Variants in PDE10A observed in about 807,000 individuals in gnomAD.
PDE10A encodes the protein phosphodiesterase 10A.
Under a neutral mutation model 97.7 loss-of-function variants are expected in PDE10A, and 39 were observed. The observed-to-expected ratio is 0.40, with a 90% confidence interval of 0.31 to 0.52. PDE10A has a LOEUF of 0.52. PDE10A is among the 20% of genes least tolerant of loss of function. The probability of loss-of-function intolerance (pLI) is 0.56; values close to 1 mark genes in which losing one functional copy is unlikely to be tolerated. For synonymous variants in PDE10A, 371 were observed against 376.8 expected, an observed-to-expected ratio of 0.98 and a Z score of 0.18; for missense variants, 731 against 1,047.8, an observed-to-expected ratio of 0.70 and a Z score of 4.17.
At chr6:165,465,804 A>G (rs1778609165) in intron 3 of PDE10A, among the ~76,000 whole-genome samples, 1 of 152,200 alleles carries the variant, frequency 6.6e-6, no homozygotes, top group Non-Finnish European at 1.5e-5. Flanking sequence ...TGCTTGACAC[A>G]TGGGGATTAT....
chr6:165,342,313 G>A (rs1050586878), intron 19 of PDE10A, among the ~76,000 whole-genome samples: 2 of 152,058 alleles, frequency 1.3e-5, no homozygotes, highest in South Asian at 4.2e-4. Context: ...GTTGTTCAAG[G>A]GTCAACTGTG....
At chr6:165,514,984 T>G (rs1011277816) in intron 2 of PDE10A, among the ~76,000 whole-genome samples, 36 of 152,208 alleles carry the variant, frequency 2.4e-4, no homozygotes, top group African/African-American at 8.0e-4. Context: ...AGAAATCCTT[T>G]TATCCAAACT....
chr6:165,951,115 C>T (rs1783943347), intron 1 of PDE10A, among the ~76,000 whole-genome samples: 1 of 152,148 alleles, frequency 6.6e-6, no homozygotes, highest in African/African-American at 2.4e-5. Context: ...TGAAATAAGC[C>T]ACACTGTTTA....
chr6:165,623,616 T>A (rs1475834543), intron 1 of PDE10A, among the ~76,000 whole-genome samples: 1 of 152,162 alleles, frequency 6.6e-6, no homozygotes, highest in Non-Finnish European at 1.5e-5. Context: ...TTAAACTTAC[T>A]TCAGGAAAGC....
intron 1 of PDE10A, among the ~76,000 whole-genome samples, chr6:165,956,813 C>A (rs1362633483): frequency 6.6e-6 from 1 of 152,172 alleles, no homozygotes; most frequent in Admixed American, 6.5e-5. Context: ...AGTTGAAGGG[C>A]AAGTGGGATC....
At chr6:165,765,306 A>G (rs1453202001) in intron 1 of PDE10A, among the ~76,000 whole-genome samples, 16 of 152,342 alleles carry the variant, frequency 1.1e-4, no homozygotes, top group South Asian at 2.1e-4. Flanking sequence ...CCCTTGGGTG[A>G]TCGATGGGAC....
intron 1 of PDE10A, among the ~76,000 whole-genome samples, chr6:165,684,454 G>A (rs868151500): frequency 2.3e-4 from 35 of 152,132 alleles, no homozygotes; most frequent in African/African-American, 7.5e-4. Flanking sequence ...CAATGAAGCC[G>A]CCATCTCCTG....
At position 165,388,590 on chromosome 6, in the gene PDE10A, T is replaced by A; in HGVS notation, c.2455-137A>T. On this transcript the variant is annotated intron_variant, in intron 16 of 21. Coordinates refer to ENST00000539869, the MANE Select transcript of PDE10A (RefSeq NM_001385079.1). The surrounding 1 kb of genome is among the most constrained non-coding windows in gnomAD (Gnocchi z 4.0). ...CAGCATTCTGGCATAAAGAATCCTA[T>A]ACAAATAGAGCAAACCCTTAGGAAT... is the stretch of plus-strand genomic sequence containing the variant. 1 of 742,160 alleles carries A rather than the reference T, an allele frequency of 1.3e-6. No homozygotes were observed. Among genetic ancestry groups the A allele is most frequent in the Non-Finnish European group, 2.3e-6 (1 of 442,336 alleles). 46.0% of individuals were successfully genotyped at this position (742,160 alleles called of 1,614,324 possible). A position where few individuals can be genotyped will look rare whatever the true frequency, so the allele number is the denominator to read the frequency against.
intron 1 of PDE10A, among the ~76,000 whole-genome samples, chr6:165,972,364 C>G (rs1320999098): frequency 1.3e-5 from 2 of 151,954 alleles, no homozygotes; most frequent in African/African-American, 2.4e-5. Context: ...GCCACGGGCA[C>G]CCAGTATGGC....
intron 1 of PDE10A, among the ~76,000 whole-genome samples, chr6:165,807,740 G>C (rs960236282): frequency 6.6e-6 from 1 of 152,058 alleles, no homozygotes; most frequent in South Asian, 2.1e-4. Flanking sequence ...TTGGCTTGCC[G>C]GCGGCAGTGG....
At chr6:165,864,850 C>G (rs192433630) in intron 1 of PDE10A, among the ~76,000 whole-genome samples, 1 of 152,122 alleles carries the variant, frequency 6.6e-6, no homozygotes, top group African/African-American at 2.4e-5. Context: ...TAGGAAAATG[C>G]CTGTTTTCCC....
chr6:165,587,774 G>A (rs1389272494), intron 1 of PDE10A, among the ~76,000 whole-genome samples: 5 of 151,984 alleles, frequency 3.3e-5, no homozygotes, highest in African/African-American at 1.2e-4. Flanking sequence ...TGTCTTCCAG[G>A]AAAGAACAAC....
chr6:165,497,969 C>G (rs1010840338), intron 2 of PDE10A, among the ~76,000 whole-genome samples: 1 of 152,108 alleles, frequency 6.6e-6, no homozygotes, highest in Non-Finnish European at 1.5e-5. Flanking sequence ...TTATAAACAT[C>G]TAAGAAACTT....
At chr6:165,907,854 G>T (rs1782340931) in intron 1 of PDE10A, among the ~76,000 whole-genome samples, 1 of 152,222 alleles carries the variant, frequency 6.6e-6, no homozygotes, top group Non-Finnish European at 1.5e-5. Context: ...AAAATAGTTT[G>T]TTCAGAGGCA....
intron 1 of PDE10A, among the ~76,000 whole-genome samples, chr6:165,786,669 C>T (rs528618694): frequency 6.6e-6 from 1 of 152,172 alleles, no homozygotes; most frequent in South Asian, 2.1e-4. Context: ...CCCTGATTTC[C>T]ACGATGTCCT....
At chr6:165,925,558 A>G (rs953212684) in intron 1 of PDE10A, among the ~76,000 whole-genome samples, 1 of 152,272 alleles carries the variant, frequency 6.6e-6, no homozygotes, top group African/African-American at 2.4e-5. Flanking sequence ...GTACTCAGTG[A>G]CAAACACACA....
intron 1 of PDE10A, among the ~76,000 whole-genome samples, chr6:165,738,111 A>C (rs1181121352): frequency 2.6e-5 from 4 of 151,008 alleles, no homozygotes; most frequent in Non-Finnish European, 5.9e-5. Flanking sequence ...TGCTGCACCC[A>C]CTAACTCGTC....
chr6:165,970,798 A>T (rs747914897), intron 1 of PDE10A, among the ~76,000 whole-genome samples: 1 of 152,204 alleles, frequency 6.6e-6, no homozygotes, highest in Non-Finnish European at 1.5e-5. Flanking sequence ...AAAACAGTGC[A>T]TTGGAGAAAG....
At chr6:165,629,627 A>G (rs1458335168) in intron 1 of PDE10A, among the ~76,000 whole-genome samples, 1 of 150,052 alleles carries the variant, frequency 6.7e-6, no homozygotes, top group East Asian at 2.0e-4. Flanking sequence ...TCCACCTGCC[A>G]GGCTCAAGCC....
Sources: gnomAD v4.1 joint callset for allele counts (sites outside exome capture counted in the v4.1 genomes callset) on GRCh38, gnomAD v4.1.1 for gene constraint, Gnocchi (gnomAD v3.1) non-coding constraint, MANE v1.5 for transcripts, NCBI Gene and HGNC (gene_info 2026-07-23, HGNC 2026-07-21) for gene names.